The following TAFA1 variants were observed in gnomAD, a reference collection of about 807,000 sequenced individuals.
TAFA1 encodes the protein TAFA chemokine like family member 1, also known as chemokine-like protein TAFA-1.
TAFA1 carries 4 observed loss-of-function variants against 18.5 expected under a neutral mutation model. The ratio of observed to expected loss-of-function variants is 0.22; its 90% confidence interval spans 0.11 to 0.49. TAFA1 has a LOEUF of 0.49. TAFA1 is among the 20% of genes least tolerant of loss of function. TAFA1 has a pLI of 0.98. For missense variants in TAFA1, 147 were observed against 169.0 expected (o/e 0.87, Z 0.72); for synonymous variants, 56 against 55.2 (o/e 1.01, Z -0.06).
intron 2 of TAFA1, among the ~76,000 whole-genome samples, chr3:68,097,284 C>T (rs548036260): frequency 2.5e-4 from 38 of 152,152 alleles, no homozygotes; most frequent in African/African-American, 9.2e-4. Flanking sequence ...CTCATAGTAG[C>T]CCTTATTTGA....
chr3:68,416,467 C>G (rs1416150654), intron 2 of TAFA1, among the ~76,000 whole-genome samples: 1 of 152,128 alleles, frequency 6.6e-6, no homozygotes, highest in Non-Finnish European at 1.5e-5. Flanking sequence ...AAGTTGATTC[C>G]TGGTTTCTGG....
At chr3:68,059,617 C>T (rs1172125576) in intron 2 of TAFA1, among the ~76,000 whole-genome samples, 2 of 152,124 alleles carry the variant, frequency 1.3e-5, no homozygotes, top group Admixed American at 1.3e-4. Flanking sequence ...GTATCTTGAC[C>T]TCTACAGTAA....
intron 3 of TAFA1, among the ~76,000 whole-genome samples, chr3:68,432,160 C>T (rs909024286): frequency 6.6e-5 from 10 of 151,866 alleles, no homozygotes; most frequent in African/African-American, 2.4e-4. Context: ...CCCTTTTCTC[C>T]TGTCTTATAA....
chr3:68,143,862 A>G (rs907477238), intron 2 of TAFA1, among the ~76,000 whole-genome samples: 2 of 152,164 alleles, frequency 1.3e-5, no homozygotes, highest in African/African-American at 4.8e-5. Flanking sequence ...ATTCCAGGGT[A>G]CTTTTACCCA....
intron 2 of TAFA1, among the ~76,000 whole-genome samples, chr3:68,170,490 T>A (rs1010207201): frequency 2.6e-5 from 4 of 151,802 alleles, no homozygotes; most frequent in African/African-American, 9.7e-5. Context: ...GACCAAAATA[T>A]TTTAAAGGAA....
chr3:68,494,464 C>A (rs1461479939), intron 3 of TAFA1, among the ~76,000 whole-genome samples: 1 of 152,180 alleles, frequency 6.6e-6, no homozygotes, highest in Non-Finnish European at 1.5e-5. Context: ...TATCAAATTT[C>A]ACAGCTGAAA....
intron 2 of TAFA1, among the ~76,000 whole-genome samples, chr3:68,044,044 G>T (rs1382663057): frequency 2.0e-5 from 3 of 152,034 alleles, no homozygotes; most frequent in East Asian, 1.9e-4. Flanking sequence ...TCAATTTTAG[G>T]ATTCTACTCT....
intron 2 of TAFA1, among the ~76,000 whole-genome samples, chr3:68,396,346 A>C (rs1193996294): frequency 1.3e-5 from 2 of 152,184 alleles, no homozygotes; most frequent in African/African-American, 2.4e-5. Flanking sequence ...GAATGTTACC[A>C]GCAATCCAGA....
chr3:68,222,021 G>A (rs2066737671), intron 2 of TAFA1, among the ~76,000 whole-genome samples: 1 of 152,154 alleles, frequency 6.6e-6, no homozygotes, highest in African/African-American at 2.4e-5. Flanking sequence ...TGTTGGATCT[G>A]AGCAGACCAA....
chr3:68,389,751 T>C (rs1035192796), intron 2 of TAFA1, among the ~76,000 whole-genome samples: 5 of 151,760 alleles, frequency 3.3e-5, no homozygotes, highest in Non-Finnish European at 5.9e-5. Flanking sequence ...ACCCAGGAAG[T>C]GTAAGAGGTT....
chr3:68,065,740 G>GTATA (rs60396289), intron 2 of TAFA1, among the ~76,000 whole-genome samples: 2,180 of 133,308 alleles, frequency 0.016, 33 homozygotes, highest in Middle Eastern at 0.098. Flanking sequence ...GTGTGTGTGT[G>GTATA]TATATATATA....
At chr3:68,263,713 T>A (rs1016304137) in intron 2 of TAFA1, among the ~76,000 whole-genome samples, 2 of 151,884 alleles carry the variant, frequency 1.3e-5, no homozygotes, top group Non-Finnish European at 2.9e-5. Flanking sequence ...CAGGATACCA[T>A]CCCCTGCCAT....
At chr3:68,505,131 C>T (rs2106716053) in intron 3 of TAFA1, among the ~76,000 whole-genome samples, 1 of 152,232 alleles carries the variant, frequency 6.6e-6, no homozygotes, top group East Asian at 1.9e-4. Context: ...TCTACTCAAA[C>T]AGGGACAAGG....
At chr3:68,092,301 T>C (rs2065038770) in intron 2 of TAFA1, among the ~76,000 whole-genome samples, 2 of 152,102 alleles carry the variant, frequency 1.3e-5, no homozygotes, top group Non-Finnish European at 2.9e-5. Context: ...GGATAAAACC[T>C]GACAAAATGT....
At chr3:68,130,118 G>A (rs1297322866) in intron 2 of TAFA1, among the ~76,000 whole-genome samples, 3 of 152,050 alleles carry the variant, frequency 2.0e-5, no homozygotes, top group African/African-American at 4.8e-5. Flanking sequence ...CAGGAAAACC[G>A]GGCAGGCATT....
At chr3:68,079,770 T>C (rs945544887) in intron 2 of TAFA1, among the ~76,000 whole-genome samples, 1 of 152,170 alleles carries the variant, frequency 6.6e-6, no homozygotes, top group Non-Finnish European at 1.5e-5. Context: ...GGTGTGGTGC[T>C]GAAAAAAATG....
intron 2 of TAFA1, among the ~76,000 whole-genome samples, chr3:68,157,251 T>C (rs1208676041): frequency 6.6e-6 from 1 of 152,256 alleles, no homozygotes; most frequent in African/African-American, 2.4e-5. Context: ...TAGAAATTCA[T>C]GCTGAGGTCA....
intron 2 of TAFA1, among the ~76,000 whole-genome samples, chr3:68,126,035 T>G (rs1041311334): frequency 6.6e-6 from 1 of 152,150 alleles, no homozygotes; most frequent in African/African-American, 2.4e-5. Context: ...CATTAATTGA[T>G]TTTGAACCTT....
chr3:68,321,587 G>A (rs2068698259), intron 2 of TAFA1, among the ~76,000 whole-genome samples: 1 of 152,120 alleles, frequency 6.6e-6, no homozygotes, highest in Non-Finnish European at 1.5e-5. Context: ...TAAAATGCTA[G>A]GGCTTTTCAG....
Sources: allele counts gnomAD v4.1 joint callset (sites outside exome capture counted in the v4.1 genomes callset), GRCh38; gene constraint gnomAD v4.1.1; transcripts MANE v1.5; gene names NCBI Gene and HGNC (gene_info 2026-07-23, HGNC 2026-07-21).